FYN: variants seen among roughly 807,000 people sequenced by gnomAD.
FYN encodes FYN proto-oncogene, Src family tyrosine kinase, also known as tyrosine-protein kinase Fyn.
Under a neutral mutation model 70.2 loss-of-function variants are expected in FYN, and 10 were observed. That is an observed-to-expected ratio of 0.14 (90% CI 0.09 to 0.24). The LOEUF (loss-of-function observed/expected upper bound fraction) is 0.24. Ranked by LOEUF, FYN falls within the 10% of genes least tolerant of loss-of-function variation. FYN has a pLI of 1.00. For missense variants in FYN, 319 were observed against 673.1 expected (o/e 0.47, Z 5.82); for synonymous variants, 236 against 248.6 (o/e 0.95, Z 0.48).
Position 111,779,081 on chromosome 6 carries a change from G to A in FYN, c.-12+1485C>T, listed in dbSNP as rs551709374. Among the ~76,000 whole-genome samples the A allele has an allele frequency of 4.0e-5, 6 of 150,284 alleles. No individual in the cohort carries two copies. The East Asian group carries it at 1.2e-3, about 29-fold the overall frequency. The stretch of plus-strand genomic sequence containing the variant: ...GTGCAACAGCAAGCTCCTCATCTCT[G>A]GAAGAATTTGAATTCCCTTGTCAGG... On this transcript the variant is annotated intron_variant, in intron 3 of 13. Transcript: ENST00000354650.
intron 3 of FYN, among the ~76,000 whole-genome samples, chr6:111,735,873 G>A (rs2128474825): frequency 6.6e-6 from 1 of 152,322 alleles, no homozygotes; most frequent in Non-Finnish European, 1.5e-5. Context: ...AACCATAAAT[G>A]GCTGCAGAGG....
Position 111,720,147 on chromosome 6 carries a change from A to G in FYN, c.-11-85T>C, listed in dbSNP as rs967191713. The G allele has an allele frequency of 2.7e-6, 4 of 1,465,360 alleles. No individual in the cohort carries two copies. The African/African-American group carries it at 5.6e-5, about 21-fold the overall frequency. 90.8% of individuals were successfully genotyped at this position (1,465,360 alleles called of 1,614,324 possible). A position where few individuals can be genotyped will look rare whatever the true frequency, so the allele number is the denominator to read the frequency against. ...CTACAGTAAACGAGGAGTAATTGAC[A>G]AGGCTCACTGTTGGCTATTTCAGGC... On this transcript the variant is annotated intron_variant, in intron 3 of 13. Transcript: ENST00000354650.
At chr6:111,768,404 A>G (rs181800368) in intron 3 of FYN, among the ~76,000 whole-genome samples, 1 of 152,326 alleles carries the variant, frequency 6.6e-6, no homozygotes, top group African/African-American at 2.4e-5. Context: ...AGGGAAAGTC[A>G]AAACTTTCAA....
intron 13 of FYN, among the ~76,000 whole-genome samples, chr6:111,668,805 A>G (rs772922207): frequency 6.6e-6 from 1 of 152,144 alleles, no homozygotes; most frequent in Non-Finnish European, 1.5e-5. Flanking sequence ...ACTGTGGACG[A>G]GCCAGGGAGA....
chr6:111,678,613 C>G (rs1410407951), intron 12 of FYN, among the ~76,000 whole-genome samples: 1 of 152,126 alleles, frequency 6.6e-6, no homozygotes, highest in Non-Finnish European at 1.5e-5. Flanking sequence ...CTTGCATAAC[C>G]AATTTCCCTC....
At chr6:111,861,006 G>C (rs929741283) in intron 1 of FYN, among the ~76,000 whole-genome samples, 1 of 152,138 alleles carries the variant, frequency 6.6e-6, no homozygotes, top group African/African-American at 2.4e-5. Context: ...GAACATAAGG[G>C]GGAATCTAAA....
At chr6:111,736,094 T>C (rs554124333) in intron 3 of FYN, among the ~76,000 whole-genome samples, 5 of 152,238 alleles carry the variant, frequency 3.3e-5, no homozygotes, top group East Asian at 1.9e-4. Flanking sequence ...GAAAAGGGCA[T>C]GTAACAAGTA....
In FYN at chr6:111,703,134, GCA is replaced by G. The variant is rs1167777202; in HGVS notation, c.548-102_548-101del. 1.7e-5 allele frequency: 18 copies of G among 1,080,550 alleles called. No individual in the cohort carries two copies. The African/African-American group carries it at 1.9e-4, about 11-fold the overall frequency. 66.9% of individuals were successfully genotyped at this position (1,080,550 alleles called of 1,614,324 possible). On this transcript the variant is annotated intron_variant, in intron 7 of 13. Transcript: ENST00000354650. The stretch of plus-strand genomic sequence containing the variant: ...ACTCTGATTAATAATTACCAAGGAT[GCA>G]CACACACATGTACACACACACAGCA...
chr6:111,863,850 T>C (rs1249390355), intron 1 of FYN, among the ~76,000 whole-genome samples: 1 of 152,202 alleles, frequency 6.6e-6, no homozygotes, highest in African/African-American at 2.4e-5. Context: ...TCTCTGACTC[T>C]TGCTGACTGA....
intron 5 of FYN, among the ~76,000 whole-genome samples, chr6:111,712,348 A>C (rs1178461152): frequency 6.6e-6 from 1 of 152,194 alleles, no homozygotes; most frequent in Non-Finnish European, 1.5e-5. Flanking sequence ...ATTCAAAGTT[A>C]ATGGACTCCA....
At chr6:111,746,618 TC>T (rs1486351820) in intron 3 of FYN, among the ~76,000 whole-genome samples, 2 of 152,190 alleles carry the variant, frequency 1.3e-5, no homozygotes, top group Non-Finnish European at 2.9e-5. Context: ...AACAGTTCTC[TC>T]TTTTGCTAAA....
intron 4 of FYN, among the ~76,000 whole-genome samples, chr6:111,716,157 T>C (rs1256380568): frequency 3.3e-5 from 5 of 152,242 alleles, no homozygotes; most frequent in Non-Finnish European, 7.3e-5. Context: ...AGAGTCTATT[T>C]TCTTTTGTGC....
At chr6:111,706,217 C>T (rs1250331091) in intron 6 of FYN, among the ~76,000 whole-genome samples, 1 of 152,198 alleles carries the variant, frequency 6.6e-6, no homozygotes, top group African/African-American at 2.4e-5. Flanking sequence ...GCACTAGGTG[C>T]TGAATGAGCA....
chr6:111,867,675 C>T (rs552090907), intron 1 of FYN, among the ~76,000 whole-genome samples: 1 of 152,202 alleles, frequency 6.6e-6, no homozygotes, highest in Admixed American at 6.5e-5. Flanking sequence ...CTGTCTACTG[C>T]TCTCTAATTC....
intron 2 of FYN, among the ~76,000 whole-genome samples, chr6:111,803,455 G>C (rs1166080702): frequency 6.6e-6 from 1 of 152,058 alleles, no homozygotes; most frequent in Non-Finnish European, 1.5e-5. Context: ...ATTGAGGACT[G>C]CAAATTATAA....
intron 2 of FYN, among the ~76,000 whole-genome samples, chr6:111,787,290 C>A (rs991030887): frequency 3.3e-5 from 5 of 152,122 alleles, no homozygotes; most frequent in Non-Finnish European, 5.9e-5. Flanking sequence ...GTATGGCTAG[C>A]CAGTTTTCCC....
intron 4 of FYN, among the ~76,000 whole-genome samples, chr6:111,715,160 C>T (rs1800570017): frequency 6.6e-6 from 1 of 152,126 alleles, no homozygotes; most frequent in Non-Finnish European, 1.5e-5. Flanking sequence ...GAGGCCCTTC[C>T]TGGTTTACAG....
At chr6:111,733,395 C>T (rs1186656437) in intron 3 of FYN, among the ~76,000 whole-genome samples, 1 of 152,210 alleles carries the variant, frequency 6.6e-6, no homozygotes, top group Non-Finnish European at 1.5e-5. Context: ...CTACCTACTA[C>T]ACCATGCTGT....
intron 2 of FYN, among the ~76,000 whole-genome samples, chr6:111,797,230 T>C (rs1159638824): frequency 6.6e-6 from 1 of 152,142 alleles, no homozygotes; most frequent in African/African-American, 2.4e-5. Flanking sequence ...ACTAGTACGA[T>C]GGCTAAGCAA....
Sources: allele counts gnomAD v4.1 joint callset (sites outside exome capture counted in the v4.1 genomes callset), GRCh38; gene constraint gnomAD v4.1.1; transcripts MANE v1.5; gene names NCBI Gene and HGNC (gene_info 2026-07-23, HGNC 2026-07-21).